Variants in HS3ST2 observed in about 807,000 individuals in gnomAD.
The protein encoded by HS3ST2 is heparan sulfate glucosamine 3-O-sulfotransferase 2.
A neutral mutation model predicts 26.3 loss-of-function variants in HS3ST2; 17 were observed. That is an observed-to-expected ratio of 0.65 (90% CI 0.44 to 0.97). The LOEUF (loss-of-function observed/expected upper bound fraction) is 0.97. HS3ST2 is among the 50% of genes least tolerant of loss of function. The pLI is 0.00. For missense variants in HS3ST2, 402 were observed against 501.2 expected (o/e 0.80, Z 1.89); for synonymous variants, 237 against 219.2 (o/e 1.08, Z -0.72).
intron 1 of HS3ST2, among the ~76,000 whole-genome samples, chr16:22,878,321 GAAC>G (rs1331385530): frequency 6.6e-6 from 1 of 152,110 alleles, no homozygotes; most frequent in African/African-American, 2.4e-5. Context: ...AAAGAAATAA[GAAC>G]AACAAAACCC....
chr16:22,820,349 G>A (rs532259686), intron 1 of HS3ST2, among the ~76,000 whole-genome samples: 1 of 152,356 alleles, frequency 6.6e-6, no homozygotes, highest in South Asian at 2.1e-4. Context: ...CCTTGGAGCT[G>A]AGAAGGGGAA....
At chr16:22,880,929 A>T (rs1901982124) in intron 1 of HS3ST2, among the ~76,000 whole-genome samples, 1 of 152,230 alleles carries the variant, frequency 6.6e-6, no homozygotes, top group Non-Finnish European at 1.5e-5. Flanking sequence ...CGAGTGATGG[A>T]TACAGAGAGC....
intron 1 of HS3ST2, among the ~76,000 whole-genome samples, chr16:22,864,464 A>C (rs1901720459): frequency 6.6e-6 from 1 of 152,146 alleles, no homozygotes; most frequent in Non-Finnish European, 1.5e-5. Flanking sequence ...CTCAATTCTA[A>C]ATTCCCAGGA....
At chr16:22,827,290 G>A (rs913578110) in intron 1 of HS3ST2, among the ~76,000 whole-genome samples, 3 of 152,190 alleles carry the variant, frequency 2.0e-5, no homozygotes, top group Non-Finnish European at 4.4e-5. Flanking sequence ...AACGGGGGCC[G>A]CCTGGTGCAG....
Position 22,898,771 on chromosome 16 carries a change from A to C in HS3ST2, c.486-16173A>C, listed in dbSNP as rs538959575. Reference sequence around the variant, plus strand: ...CCATGTGGTTTTAGGCACATCTGAGACATGAATTATATGTAGGCAGCTGAC... The same window carrying C: ...CCATGTGGTTTTAGGCACATCTGAGCCATGAATTATATGTAGGCAGCTGAC... On this transcript the variant is annotated intron_variant, in intron 1 of 1. Transcript: ENST00000261374. 1.3e-3 allele frequency among the ~76,000 whole-genome samples: 196 copies of C among 152,294 alleles called. 1 individual carries two copies. Among genetic ancestry groups the C allele is most frequent in the African/African-American group, 4.5e-3 (187 of 41,564 alleles).
At chr16:22,860,253 A>G (rs2141188921) in intron 1 of HS3ST2, among the ~76,000 whole-genome samples, 1 of 152,288 alleles carries the variant, frequency 6.6e-6, no homozygotes, top group Middle Eastern at 3.4e-3. Flanking sequence ...GACGTCTTAC[A>G]TGGCGTCCGG....
In HS3ST2 at chr16:22,861,702, C is replaced by A. The variant is rs117342121; in HGVS notation, c.485+46607C>A. Among the ~76,000 whole-genome samples the A allele has an allele frequency of 3.7e-3, 557 of 152,284 alleles. 14 individuals carry two copies. Among genetic ancestry groups the A allele is most frequent in the East Asian group, 0.03 (153 of 5,156 alleles). ...TGGGTCAAGGGAACTTAAAATAATA[C>A]AATGCACATCTCTTATTGTGGCCTC... On this transcript the variant is annotated intron_variant, in intron 1 of 1. Coordinates refer to ENST00000261374, the MANE Select transcript of HS3ST2 (RefSeq NM_006043.2).
intron 1 of HS3ST2, among the ~76,000 whole-genome samples, chr16:22,842,062 CTTTTT>C (rs11285807): frequency 8.9e-5 from 10 of 111,760 alleles, no homozygotes; most frequent in African/African-American, 3.4e-4. Flanking sequence ...TCTTTTCTTT[CTTTTT>C]TTTTTTTTTT....
intron 1 of HS3ST2, among the ~76,000 whole-genome samples, chr16:22,830,487 G>A (rs2283526): frequency 0.13 from 19,314 of 152,210 alleles, 1,333 homozygotes; most frequent in South Asian, 0.22. Flanking sequence ...GAATGACAGA[G>A]GAACATTGGG....
intron 1 of HS3ST2, among the ~76,000 whole-genome samples, chr16:22,886,646 A>G (rs1567497027): frequency 6.6e-6 from 1 of 152,140 alleles, no homozygotes; most frequent in South Asian, 2.1e-4. Flanking sequence ...CCTCTGTTTC[A>G]TAGATTTGAA....
intron 1 of HS3ST2, among the ~76,000 whole-genome samples, chr16:22,853,998 G>A (rs954299511): frequency 6.6e-6 from 1 of 152,148 alleles, no homozygotes; most frequent in African/African-American, 2.4e-5. Context: ...TCTAAGCATG[G>A]ACCCATGTGG....
intron 1 of HS3ST2, among the ~76,000 whole-genome samples, chr16:22,880,650 A>G (rs879690137): frequency 1.3e-5 from 2 of 152,078 alleles, no homozygotes; most frequent in African/African-American, 4.8e-5. Context: ...CCCTCCCCCC[A>G]TGGAGATGGG....
intron 1 of HS3ST2, among the ~76,000 whole-genome samples, chr16:22,852,543 C>T (rs554995477): frequency 4.6e-5 from 7 of 152,256 alleles, no homozygotes; most frequent in East Asian, 1.9e-4. Flanking sequence ...GAAGAAGGCA[C>T]CACCTTGGAC....
intron 1 of HS3ST2, among the ~76,000 whole-genome samples, chr16:22,840,477 G>A (rs1184461552): frequency 6.6e-6 from 1 of 151,940 alleles, no homozygotes; most frequent in Non-Finnish European, 1.5e-5. Context: ...CTGCCTCCCA[G>A]TTTCAAGAGA....
chr16:22,834,211 A>G (rs34412111), intron 1 of HS3ST2, among the ~76,000 whole-genome samples: 18,832 of 152,146 alleles, frequency 0.12, 1,289 homozygotes, highest in South Asian at 0.22. Flanking sequence ...TTGTGGAAAA[A>G]TTAGGAAACT....
At chr16:22,878,744 C>A (rs553078088) in intron 1 of HS3ST2, among the ~76,000 whole-genome samples, 1 of 152,098 alleles carries the variant, frequency 6.6e-6, no homozygotes, top group African/African-American at 2.4e-5. Flanking sequence ...CAGGGAAGTG[C>A]CCCCGAGAGA....
chr16:22,826,672 C>T (rs1023312973), intron 1 of HS3ST2, among the ~76,000 whole-genome samples: 3 of 152,160 alleles, frequency 2.0e-5, no homozygotes, highest in Non-Finnish European at 4.4e-5. Flanking sequence ...TGAGTGAATA[C>T]TCTTAGCAAT....
At chr16:22,884,354 GCTGA>G (rs1334824875) in intron 1 of HS3ST2, among the ~76,000 whole-genome samples, 1 of 152,164 alleles carries the variant, frequency 6.6e-6, no homozygotes, top group African/African-American at 2.4e-5. Flanking sequence ...TAGAGGTTGG[GCTGA>G]CTTTTAAACC....
At chr16:22,838,673 C>T (rs1901309521) in intron 1 of HS3ST2, among the ~76,000 whole-genome samples, 1 of 152,028 alleles carries the variant, frequency 6.6e-6, no homozygotes, top group Non-Finnish European at 1.5e-5. Context: ...TGGAGAAGGG[C>T]AAGAATGTGA....
Sources: gnomAD v4.1 joint callset for allele counts (sites outside exome capture counted in the v4.1 genomes callset) on GRCh38, gnomAD v4.1.1 for gene constraint, MANE v1.5 for transcripts, NCBI Gene and HGNC (gene_info 2026-07-23, HGNC 2026-07-21) for gene names.